MYO1D: variants seen among roughly 807,000 people sequenced by gnomAD.
MYO1D encodes the protein myosin ID.
In MYO1D, 83 loss-of-function variants were observed where a neutral mutation model predicts 122.0. The ratio of observed to expected loss-of-function variants is 0.68; its 90% confidence interval spans 0.57 to 0.82. The LOEUF (loss-of-function observed/expected upper bound fraction) is 0.82, where lower values mean the gene tolerates loss of function less well. MYO1D is among the 40% of genes least tolerant of loss of function. The pLI, the probability that MYO1D is intolerant of heterozygous loss-of-function variation, is 0.00. For missense variants in MYO1D, 1,157 were observed against 1,269.5 expected, an observed-to-expected ratio of 0.91 and a Z score of 1.35; for synonymous variants, 464 against 446.9, an observed-to-expected ratio of 1.04 and a Z score of -0.48.
chr17:32,564,970 A>C (rs1175378286), intron 21 of MYO1D, among the ~76,000 whole-genome samples: 4 of 152,206 alleles, frequency 2.6e-5, no homozygotes, highest in African/African-American at 9.6e-5. Context: ...TAATGCATAT[A>C]ACTAGACATC....
At chr17:32,539,719 G>C (rs6505299) in intron 21 of MYO1D, among the ~76,000 whole-genome samples, 1 of 152,058 alleles carries the variant, frequency 6.6e-6, no homozygotes, top group African/African-American at 2.4e-5. Context: ...ATCTAATTTC[G>C]AGATTCTTAA....
chr17:32,867,161 A>G (rs1220810688), intron 1 of MYO1D, among the ~76,000 whole-genome samples: 1 of 151,922 alleles, frequency 6.6e-6, no homozygotes, highest in Non-Finnish European at 1.5e-5. Context: ...TCCCATCTCT[A>G]CTAAAAATAC....
At chr17:32,554,808 G>A (rs1018953437) in intron 21 of MYO1D, among the ~76,000 whole-genome samples, 1 of 152,110 alleles carries the variant, frequency 6.6e-6, no homozygotes, top group Non-Finnish European at 1.5e-5. Context: ...GGCAGAAAAC[G>A]TTCAATTTCA....
intron 15 of MYO1D, among the ~76,000 whole-genome samples, chr17:32,716,636 C>T (rs8079650): frequency 0.015 from 2,228 of 152,238 alleles, 44 homozygotes; most frequent in African/African-American, 0.048. Flanking sequence ...AATCAGAAAC[C>T]TCTCAAATTT....
chr17:32,661,042 C>A (rs956025819), intron 16 of MYO1D, among the ~76,000 whole-genome samples: 6 of 152,100 alleles, frequency 3.9e-5, no homozygotes, highest in African/African-American at 1.4e-4. Flanking sequence ...TTTTATAGAG[C>A]TTCCTATTAG....
At chr17:32,807,417 G>A (rs545753087) in intron 1 of MYO1D, among the ~76,000 whole-genome samples, 5 of 151,896 alleles carry the variant, frequency 3.3e-5, no homozygotes, top group South Asian at 2.1e-4. Flanking sequence ...TGTATCTTAC[G>A]TGTCATATTA....
chr17:32,846,635 G>A (rs913184707), intron 1 of MYO1D, among the ~76,000 whole-genome samples: 2 of 152,154 alleles, frequency 1.3e-5, no homozygotes, highest in African/African-American at 4.8e-5. Flanking sequence ...TAGACTTTGT[G>A]GAGAACATTA....
rs756787 is a variant in MYO1D, at chr17:32,494,366, T to C, written c.*393A>G. The C allele has an allele frequency of 0.65, 112,134 of 172,900 alleles. 37,565 individuals carry two copies. The highest frequency in any genetic ancestry group is 0.74 in the African/African-American group (31,284 of 42,164). 10.7% of individuals were successfully genotyped at this position (172,900 alleles called of 1,614,324 possible). On this transcript the variant is annotated 3_prime_UTR_variant, in exon 22 of 22. Transcript: ENST00000318217. The stretch of plus-strand genomic sequence containing the variant: ...AGGTGGCTATGGGGCTCCCGCAGAG[T>C]GGGGTCCTGCATCCCCACCCCTTCC...
chr17:32,804,889 T>C (rs1262318607), intron 1 of MYO1D, among the ~76,000 whole-genome samples: 1 of 152,138 alleles, frequency 6.6e-6, no homozygotes, highest in Non-Finnish European at 1.5e-5. Context: ...CAAACTCACA[T>C]GGTGAGGTTG....
chr17:32,605,483 T>C (rs138116076), intron 20 of MYO1D, among the ~76,000 whole-genome samples: 174 of 144,078 alleles, frequency 1.2e-3, no homozygotes, highest in Non-Finnish European at 7.5e-4. Context: ...AGTGACCCCC[T>C]GACTTTAATC....
At chr17:32,718,784 C>T (rs554668881) in intron 15 of MYO1D, among the ~76,000 whole-genome samples, 1 of 152,314 alleles carries the variant, frequency 6.6e-6, no homozygotes, top group Admixed American at 6.5e-5. Flanking sequence ...GTTGCTGCTT[C>T]TCTTATCTTT....
At chr17:32,530,683 C>T (rs1253804311) in intron 21 of MYO1D, among the ~76,000 whole-genome samples, 1 of 152,080 alleles carries the variant, frequency 6.6e-6, no homozygotes, top group Non-Finnish European at 1.5e-5. Flanking sequence ...TGCCTGTAGT[C>T]CCAGCTACTT....
chr17:32,832,205 C>A (rs1197130518), intron 1 of MYO1D, among the ~76,000 whole-genome samples: 1 of 151,690 alleles, frequency 6.6e-6, no homozygotes, highest in Non-Finnish European at 1.5e-5. Context: ...TCCCTGGGCT[C>A]AGGTAACTCT....
chr17:32,837,925 T>C (rs1424937673), intron 1 of MYO1D, among the ~76,000 whole-genome samples: 1 of 152,182 alleles, frequency 6.6e-6, no homozygotes, highest in East Asian at 1.9e-4. Context: ...AAGTGCTTTT[T>C]AGAGTTCTTC....
intron 14 of MYO1D, among the ~76,000 whole-genome samples, chr17:32,723,452 CT>C (rs1466387000): frequency 6.6e-6 from 1 of 152,128 alleles, no homozygotes; most frequent in Non-Finnish European, 1.5e-5. Flanking sequence ...TACACCTGCC[CT>C]TTTTCATCTT....
intron 1 of MYO1D, among the ~76,000 whole-genome samples, chr17:32,792,245 T>C (rs1311527084): frequency 6.6e-6 from 1 of 152,264 alleles, no homozygotes; most frequent in East Asian, 1.9e-4. Flanking sequence ...TTTAAATTTA[T>C]GAATTATATT....
At chr17:32,861,056 T>C (rs1418409674) in intron 1 of MYO1D, among the ~76,000 whole-genome samples, 1 of 151,734 alleles carries the variant, frequency 6.6e-6, no homozygotes, top group Non-Finnish European at 1.5e-5. Flanking sequence ...CTGGGCTGTA[T>C]TGGTGTTTAT....
chr17:32,844,657 T>G (rs1338323999), intron 1 of MYO1D, among the ~76,000 whole-genome samples: 1 of 151,732 alleles, frequency 6.6e-6, no homozygotes, highest in Admixed American at 6.6e-5. Flanking sequence ...CCCAGGAACT[T>G]GAGGCTGCAG....
intron 14 of MYO1D, among the ~76,000 whole-genome samples, chr17:32,724,603 A>G (rs2089550843): frequency 6.6e-6 from 1 of 152,082 alleles, no homozygotes; most frequent in Non-Finnish European, 1.5e-5. Context: ...GGTAGATGGG[A>G]TCTGAGTAGT....
Sources: allele counts gnomAD v4.1 joint callset (sites outside exome capture counted in the v4.1 genomes callset), GRCh38; gene constraint gnomAD v4.1.1; transcripts MANE v1.5; gene names NCBI Gene and HGNC (gene_info 2026-07-23, HGNC 2026-07-21).